NAALADL2: variants seen among roughly 807,000 people sequenced by gnomAD.
NAALADL2 encodes the protein inactive N-acetylated-alpha-linked acidic dipeptidase-like protein 2.
NAALADL2 carries 76 observed loss-of-function variants against 87.2 expected under a neutral mutation model. The ratio of observed to expected loss-of-function variants is 0.87; its 90% CI spans 0.72 to 1.05. The LOEUF (loss-of-function observed/expected upper bound fraction) is 1.05, where lower values mean the gene tolerates loss of function less well. NAALADL2 is among the 50% of genes least tolerant of loss of function. The pLI, the probability that NAALADL2 is intolerant of heterozygous loss-of-function variation, is 0.00. For synonymous variants in NAALADL2, 354 were observed against 331.0 expected (o/e 1.07, Z -0.75); for missense variants, 1,089 against 945.8 (o/e 1.15, Z -1.99).
chr3:175,415,331 A>G (rs1433038650), intron 5 of NAALADL2, among the ~76,000 whole-genome samples: 1 of 152,164 alleles, frequency 6.6e-6, no homozygotes, highest in Non-Finnish European at 1.5e-5. Flanking sequence ...CATGTATGTT[A>G]TATGATGCAG....
chr3:174,592,968 A>G (rs1717535679), intron 2 of NAALADL2, among the ~76,000 whole-genome samples: 1 of 152,060 alleles, frequency 6.6e-6, no homozygotes, highest in Admixed American at 6.6e-5. Context: ...GTAGAGAGAG[A>G]GTGAGAAAGA....
intron 4 of NAALADL2, among the ~76,000 whole-genome samples, chr3:175,314,700 A>ATATAGTTCTAAC (rs1758900179): frequency 2.4e-5 from 2 of 84,954 alleles, no homozygotes; most frequent in African/African-American, 8.4e-5. Flanking sequence ...ATATATATAT[A>ATATAGTTCTAAC]TATATATATA....
rs545857002 is a variant in NAALADL2 at position 175,662,933 on chromosome 3, T to C, written c.1896+35547T>C. 1.6e-4 allele frequency among the ~76,000 whole-genome samples: 24 copies of C among 151,642 alleles called. 1 individual carries two copies. The South Asian group carries it at 5.0e-3, about 31-fold the overall frequency. On this transcript the variant is annotated intron_variant, in intron 11 of 13. Transcript: ENST00000454872. ...ATTCAGCATTTACTTTCTTCAGGGA[T>C]ATTGGCCTGTAGTTTGTTTGTTTGT...
At chr3:174,969,409 T>A (rs1332339392) in intron 1 of NAALADL2, among the ~76,000 whole-genome samples, 1 of 152,172 alleles carries the variant, frequency 6.6e-6, no homozygotes, top group African/African-American at 2.4e-5. Context: ...CCCATAAAGA[T>A]GAGGATATTT....
intron 1 of NAALADL2, among the ~76,000 whole-genome samples, chr3:174,924,632 G>A (rs1326586015): frequency 6.6e-6 from 1 of 152,070 alleles, no homozygotes; most frequent in Non-Finnish European, 1.5e-5. Flanking sequence ...TTGAGGAATC[G>A]CCACACTGTC....
chr3:175,258,083 C>T (rs1246647477), intron 4 of NAALADL2, among the ~76,000 whole-genome samples: 2 of 151,916 alleles, frequency 1.3e-5, no homozygotes, highest in South Asian at 2.1e-4. Context: ...CCGAGGTGGG[C>T]AGAGCACGAG....
At chr3:175,017,938 T>C (rs1174789231) in intron 1 of NAALADL2, among the ~76,000 whole-genome samples, 1 of 152,024 alleles carries the variant, frequency 6.6e-6, no homozygotes, top group Non-Finnish European at 1.5e-5. Flanking sequence ...AGTTCATTAC[T>C]GCAGGAAATC....
intron 2 of NAALADL2, among the ~76,000 whole-genome samples, chr3:174,555,596 G>C (rs1374898697): frequency 6.6e-6 from 1 of 152,128 alleles, no homozygotes. Context: ...CTCCGCGCCT[G>C]GCCAAAAATT....
intron 3 of NAALADL2, among the ~76,000 whole-genome samples, chr3:174,787,604 T>TAC (rs1553855443): frequency 1.1e-5 from 1 of 87,944 alleles, no homozygotes; most frequent in Non-Finnish European, 2.4e-5. Flanking sequence ...TATATATATA[T>TAC]ATATATATAT....
chr3:174,637,524 A>G (rs527883369), intron 2 of NAALADL2, among the ~76,000 whole-genome samples: 5 of 152,224 alleles, frequency 3.3e-5, no homozygotes, highest in African/African-American at 1.2e-4. Flanking sequence ...TAAAACAGCA[A>G]TAAAAGGATT....
intron 3 of NAALADL2, among the ~76,000 whole-genome samples, chr3:174,799,659 G>T (rs762616797): frequency 6.6e-6 from 1 of 152,142 alleles, no homozygotes; most frequent in East Asian, 1.9e-4. Flanking sequence ...AATTCTACCA[G>T]AAGTGGAGTG....
At chr3:175,195,858 C>G (rs1003518762) in intron 2 of NAALADL2, among the ~76,000 whole-genome samples, 3 of 151,892 alleles carry the variant, frequency 2.0e-5, no homozygotes, top group African/African-American at 7.2e-5. Flanking sequence ...ATGTCTCTAT[C>G]AGAGTTCTCT....
intron 3 of NAALADL2, among the ~76,000 whole-genome samples, chr3:174,787,260 A>G (rs1716784311): frequency 6.6e-6 from 1 of 151,784 alleles, no homozygotes; most frequent in South Asian, 2.1e-4. Flanking sequence ...AAGTTAAGGA[A>G]AACACTGAAA....
chr3:174,853,959 A>G (rs1384536376), intron 3 of NAALADL2, among the ~76,000 whole-genome samples: 1 of 152,170 alleles, frequency 6.6e-6, no homozygotes, highest in Non-Finnish European at 1.5e-5. Context: ...GTCAGTATGG[A>G]AAACAGTATG....
chr3:175,706,840 C>T (rs950116069), intron 11 of NAALADL2, among the ~76,000 whole-genome samples: 26 of 152,074 alleles, frequency 1.7e-4, no homozygotes, highest in Non-Finnish European at 3.7e-4. Flanking sequence ...CTTGGACACT[C>T]AAGTTAACTC....
intron 1 of NAALADL2, among the ~76,000 whole-genome samples, chr3:175,091,821 ACTTCT>A (rs1021298522): frequency 1.3e-5 from 2 of 151,968 alleles, no homozygotes; most frequent in African/African-American, 4.8e-5. Flanking sequence ...TGTTAGCCAA[ACTTCT>A]CTTTTATATA....
At chr3:175,331,556 A>G (rs1055087991) in intron 5 of NAALADL2, among the ~76,000 whole-genome samples, 4 of 152,216 alleles carry the variant, frequency 2.6e-5, no homozygotes, top group Admixed American at 2.0e-4. Context: ...GGTAAATTCA[A>G]CACTCCATTG....
At chr3:175,080,210 G>A (rs202078568) in intron 1 of NAALADL2, among the ~76,000 whole-genome samples, 5 of 152,084 alleles carry the variant, frequency 3.3e-5, no homozygotes, top group African/African-American at 1.2e-4. Flanking sequence ...CGTGATCCAC[G>A]CACCTCGGCC....
chr3:175,039,162 C>T (rs941925675), intron 1 of NAALADL2, among the ~76,000 whole-genome samples: 1 of 151,910 alleles, frequency 6.6e-6, no homozygotes. Flanking sequence ...CTACAAGGTT[C>T]TGTTGTTTGT....
Sources: allele counts gnomAD v4.1 joint callset (sites outside exome capture counted in the v4.1 genomes callset), GRCh38; gene constraint gnomAD v4.1.1; transcripts MANE v1.5; gene names NCBI Gene and HGNC (gene_info 2026-07-23, HGNC 2026-07-21).